Variants in ZNF592 observed in about 807,000 individuals in gnomAD.
ZNF592 encodes the protein spinocerebellar ataxia, autosomal recessive 5.
In ZNF592, 11 loss-of-function variants were observed where a neutral mutation model predicts 80.3. The ratio of observed to expected loss-of-function variants is 0.14; its 90% CI spans 0.09 to 0.23. ZNF592 has a LOEUF of 0.23. Among genes scored for constraint, ZNF592 ranks in the 10% least tolerant of loss-of-function variants. The probability of loss-of-function intolerance (pLI) is 1.00; values close to 1 mark genes in which losing one functional copy is unlikely to be tolerated. For missense variants in ZNF592, 1,420 were observed against 1,633.9 expected, an observed-to-expected ratio of 0.87 and a Z score of 2.26; for synonymous variants, 646 against 640.3, an observed-to-expected ratio of 1.01 and a Z score of -0.13.
intron 2 of ZNF592, among the ~76,000 whole-genome samples, chr15:84,774,438 C>CT (rs1962182759): frequency 6.6e-6 from 1 of 152,192 alleles, no homozygotes; most frequent in Admixed American, 6.5e-5. Context: ...AGTGGTGTGT[C>CT]TAATGGCTGG....
chr15:84,806,385 A>G lies in ZNF592; in HGVS notation c.*3992A>G, dbSNP rs1352167569. ...CTTAAAATGCTTTTTTCTTTATTGG[A>G]AAATGATGTAACATTTTAGAGAAAT... is the stretch of plus-strand genomic sequence containing the variant. On this transcript the variant is annotated 3_prime_UTR_variant, in exon 11 of 11. Transcript: ENST00000560079. 6.6e-6 allele frequency: 1 copy of G among 152,206 alleles called. No individual in the cohort carries two copies. The highest frequency in any genetic ancestry group is 1.5e-5 in the Non-Finnish European group (1 of 68,042). The allele number at this position is 152,206 out of a possible 1,614,324, so 9.4% of individuals were successfully genotyped here. A position where few individuals can be genotyped will look rare whatever the true frequency, so the allele number is the denominator to read the frequency against.
chr15:84,749,963 G>A (rs1833407765), intron 1 of ZNF592, among the ~76,000 whole-genome samples: 1 of 152,258 alleles, frequency 6.6e-6, no homozygotes, highest in African/African-American at 2.4e-5. Context: ...TGGTAAGCCA[G>A]AAAGATACCA....
At chr15:84,763,686 T>C (rs111340146) in intron 1 of ZNF592, among the ~76,000 whole-genome samples, 27 of 152,354 alleles carry the variant, frequency 1.8e-4, no homozygotes, top group African/African-American at 6.5e-4. Context: ...ATTAATATTG[T>C]CTGTATTACT....
In ZNF592 at chr15:84,762,322, A is replaced by C. The variant is rs149783802; in HGVS notation, c.-258-2385A>C. Among the ~76,000 whole-genome samples the C allele has an allele frequency of 4.0e-3, 604 of 152,294 alleles. 2 individuals are homozygous for C. The highest frequency in any genetic ancestry group is 0.014 in the African/African-American group (574 of 41,556). ...GTGGATGAGGGGTTTGGTGGGGAGG[A>C]AGGTCTTCTATTTTAAATTGAGAAG... On this transcript the variant is annotated intron_variant, in intron 1 of 10. Coordinates refer to ENST00000560079, the MANE Select transcript of ZNF592 (RefSeq NM_014630.3).
chr15:84,768,131 A>T (rs938194388), intron 2 of ZNF592, among the ~76,000 whole-genome samples: 1 of 148,786 alleles, frequency 6.7e-6, no homozygotes, highest in African/African-American at 2.5e-5. Context: ...GCCTCAAATG[A>T]TCTACCTGCC....
At chr15:84,777,195 G>A (rs2141979828) in intron 2 of ZNF592, among the ~76,000 whole-genome samples, 1 of 151,180 alleles carries the variant, frequency 6.6e-6, no homozygotes. Flanking sequence ...AAAAAAGAGG[G>A]GCTGGGCGCA....
Position 84,748,647 on chromosome 15 carries a change from C to A in ZNF592, c.-276C>A. ...CGCGGCCGAGACTCTGGCCTGCAGT[C>A]GCCGCCGCCGCCGCCAGGTAAGCGC... On this transcript the variant is annotated 5_prime_UTR_variant, in exon 1 of 11. Coordinates refer to ENST00000560079, the MANE Select transcript of ZNF592 (RefSeq NM_014630.3). 1 of 147,578 alleles carries A rather than the reference C, an allele frequency of 6.8e-6. No individual in the cohort carries two copies. Among genetic ancestry groups the A allele is most frequent in the South Asian group, 1.8e-4 (1 of 5,480 alleles). 9.1% of individuals were successfully genotyped at this position (147,578 alleles called of 1,614,324 possible).
chr15:84,770,949 G>A (rs981572654), intron 2 of ZNF592, among the ~76,000 whole-genome samples: 4 of 152,240 alleles, frequency 2.6e-5, no homozygotes, highest in African/African-American at 4.8e-5. Flanking sequence ...TTTGGTTGGC[G>A]TGGAAAAGGC....
chr15:84,798,970 G>C lies in ZNF592; in HGVS notation c.3024+95G>C. 6.3e-7 allele frequency: 1 copy of C among 1,593,890 alleles called. No homozygotes were observed. Among genetic ancestry groups the C allele is most frequent in the Non-Finnish European group, 8.6e-7 (1 of 1,166,532 alleles). The stretch of plus-strand genomic sequence containing the variant: ...CTAGGGTTCCTGGTGCTTAGGGCAG[G>C]GTGGGTACCACAGATCTTGAGGTCT... On this transcript the variant is annotated intron_variant, in intron 8 of 10. Transcript: ENST00000560079. The surrounding 1 kb of genome is among the most constrained non-coding windows in gnomAD (Gnocchi z 4.5).
At chr15:84,748,873 C>T (rs1403289574) in intron 1 of ZNF592, among the ~76,000 whole-genome samples, 2 of 148,176 alleles carry the variant, frequency 1.3e-5, no homozygotes, top group Non-Finnish European at 3.0e-5. Context: ...ACCCCGCCCC[C>T]GGCCGTCGGG....
chr15:84,763,027 T>C (rs979773351), intron 1 of ZNF592, among the ~76,000 whole-genome samples: 1 of 152,118 alleles, frequency 6.6e-6, no homozygotes, highest in African/African-American at 2.4e-5. Context: ...CAATACCAAA[T>C]TGAAGGAAAA....
At chr15:84,796,391 G>A (rs1962922655) in intron 5 of ZNF592, among the ~76,000 whole-genome samples, 1 of 150,332 alleles carries the variant, frequency 6.7e-6, no homozygotes, top group Non-Finnish European at 1.5e-5. Context: ...AGTGCCTATG[G>A]GGATGTCAAT....
chr15:84,758,161 G>A (rs1899235869), intron 1 of ZNF592, among the ~76,000 whole-genome samples: 1 of 150,904 alleles, frequency 6.6e-6, no homozygotes, highest in Non-Finnish European at 1.5e-5. Flanking sequence ...TTTTAGTAGA[G>A]ATGGGGTTTC....
rs1338803031 is a variant in ZNF592, at chr15:84,804,182, A to G, written c.*1789A>G. 6.6e-6 allele frequency: 1 copy of G among 152,260 alleles called. No homozygotes were observed. The highest frequency in any genetic ancestry group is 1.5e-5 in the Non-Finnish European group (1 of 68,066). 9.4% of individuals were successfully genotyped at this position (152,260 alleles called of 1,614,324 possible). On this transcript the variant is annotated 3_prime_UTR_variant, in exon 11 of 11. Transcript: ENST00000560079. ...CCACTTCCCTGCCTCCCCAGCTGGC[A>G]GTGGGGCAACCCAGGCCTGTTTCCA...
In ZNF592 at chr15:84,801,932, T is replaced by G. The variant is rs754595710; in HGVS notation, c.3343T>G (p.Ser1115Ala). The G allele has an allele frequency of 2.5e-6, 4 of 1,613,970 alleles. No individual in the cohort carries two copies. The highest frequency in any genetic ancestry group is 1.7e-4 in the Middle Eastern group (1 of 6,056). The stretch of plus-strand genomic sequence containing the variant: ...AGGCACCAGCAATGGCGCAACTGTC[T>G]CTTCCACCAAAAGGCACAAGTCCCT... ...APGTSNGATV[S>A]STKRHKSLFQ... is the part of the protein sequence containing the mutation. Residue 1115 changes from serine (S) to alanine (A), a missense_variant, in exon 11 of 11, where the codon TCT becomes GCT. By Grantham distance (99) the Ser-to-Ala change is moderately conservative. This residue lies in a region of ZNF592 where 145 missense variants were observed against 211.9 expected (regional missense o/e 0.68). Coordinates refer to ENST00000560079, the MANE Select transcript of ZNF592 (RefSeq NM_014630.3).
At chr15:84,748,735 G>T (rs1282200977) in intron 1 of ZNF592, 71 bp downstream of exon 1, 1 of 147,622 alleles carries the variant, frequency 6.8e-6, no homozygotes, top group Non-Finnish European at 1.5e-5. Context: ...GGCCCGGGAG[G>T]ATCGCAGCCG....
rs116526301 is a variant in ZNF592, at chr15:84,768,930, G to T, written c.-150+4115G>T. On this transcript the variant is annotated intron_variant, in intron 2 of 10. Transcript: ENST00000560079. ...TCTGGACAAATGAGCTTGTCAAATT[G>T]TTCTTCCTCCTTTCTTTTATTTTTT... 9.0e-3 allele frequency among the ~76,000 whole-genome samples: 1,364 copies of T among 152,222 alleles called. 25 individuals are homozygous for T. Among genetic ancestry groups the T allele is most frequent in the African/African-American group, 0.031 (1,298 of 41,536 alleles).
At chr15:84,777,866 A>G (rs1962308612) in intron 2 of ZNF592, among the ~76,000 whole-genome samples, 1 of 151,538 alleles carries the variant, frequency 6.6e-6, no homozygotes, top group Admixed American at 6.6e-5. Flanking sequence ...CGCCCGGCTA[A>G]TTTTTTTGTA....
At chr15:84,796,221 C>CAAAAAAAA (rs753718341) in intron 5 of ZNF592, among the ~76,000 whole-genome samples, 2 of 25,428 alleles carry the variant, frequency 7.9e-5, no homozygotes, top group African/African-American at 2.8e-4. Flanking sequence ...GACTCTGTCT[C>CAAAAAAAA]AAAAAAAAAA....
Sources: gnomAD v4.1 joint callset for allele counts (sites outside exome capture counted in the v4.1 genomes callset) on GRCh38, gnomAD v4.1.1 for gene constraint, gnomAD v4.1.1 regional missense constraint, Gnocchi (gnomAD v3.1) non-coding constraint, MANE v1.5 for transcripts, NCBI Gene and HGNC (gene_info 2026-07-23, HGNC 2026-07-21) for gene names.